ALG5: variants seen among roughly 807,000 people sequenced by gnomAD.
ALG5 encodes dolichyl-phosphate beta-glucosyltransferase.
Under a neutral mutation model 51.8 loss-of-function variants are expected in ALG5, and 26 were observed. That is an observed-to-expected ratio of 0.50 (90% confidence interval 0.37 to 0.70). The LOEUF is 0.70. Ranked by LOEUF, ALG5 falls within the 30% of genes least tolerant of loss-of-function variation. ALG5 has a pLI of 0.00. For synonymous variants in ALG5, 141 were observed against 136.1 expected (o/e 1.04, Z -0.25); for missense variants, 311 against 399.3 (o/e 0.78, Z 1.88).
At chr13:36,968,884 G>C (rs372958048) in intron 7 of ALG5, among the ~76,000 whole-genome samples, 17 of 152,290 alleles carry the variant, frequency 1.1e-4, no homozygotes, top group African/African-American at 3.8e-4. Flanking sequence ...GATTCTATAA[G>C]AATAAGCTGG....
At chr13:36,984,463 TC>T (rs2058993223) in intron 6 of ALG5, among the ~76,000 whole-genome samples, 1 of 152,196 alleles carries the variant, frequency 6.6e-6, no homozygotes, top group East Asian at 1.9e-4. Context: ...GTTGCTAAAT[TC>T]TTATTTTCAT....
At position 36,972,024 on chromosome 13, in the gene ALG5, T is replaced by C. The variant is rs145953194; in HGVS notation, c.574A>G (p.Ile192Val). 20 of 1,597,054 alleles carry C rather than the reference T, an allele frequency of 1.3e-5. No individual in the cohort carries two copies. Among genetic ancestry groups the C allele is most frequent in the South Asian group, 5.8e-5 (5 of 86,696 alleles). ...AAATGAGCTCGAGATCCACATGCTA[T>C]AGCCATTTGATTCTGAGGGAAAAAG... ...DLQPWPNQMA[I>V]ACGSRAHLEK... is the part of the protein sequence containing the mutation. Residue 192 changes from isoleucine (I) to valine (V), a missense_variant, in exon 7 of 10, where the codon ATA becomes GTA. By Grantham distance (29) the Ile-to-Val change is conservative. Coordinates refer to ENST00000239891, the MANE Select transcript of ALG5 (RefSeq NM_013338.5).
Position 36,989,533 on chromosome 13 carries a change from C to G in ALG5, c.398G>C (p.Arg133Pro). The G allele has an allele frequency of 6.2e-7, 1 of 1,612,882 alleles. No individual in the cohort carries two copies. Among genetic ancestry groups the G allele is most frequent in the Non-Finnish European group, 8.5e-7 (1 of 1,179,308 alleles). Residue 133 changes from arginine to proline, a missense_variant, in exon 5 of 10, where the codon CGT becomes CCT. Transcript: ENST00000239891. ...ACGATTCTTCACCAGGGTTATCACA[C>G]GTACTTTGTCACTTCCATATTTCTG... Reference protein sequence around the residue: ...YCQKYGSDKVRVITLVKNRGK... With the variant: ...YCQKYGSDKVPVITLVKNRGK...
chr13:36,988,032 C>G (rs968085759), intron 5 of ALG5, among the ~76,000 whole-genome samples: 9 of 152,126 alleles, frequency 5.9e-5, no homozygotes, highest in African/African-American at 2.2e-4. Context: ...CATTGCTGTG[C>G]CTTTGTTCAT....
chr13:36,975,667 C>G (rs2058946914), intron 6 of ALG5, among the ~76,000 whole-genome samples: 1 of 152,132 alleles, frequency 6.6e-6, no homozygotes, highest in Non-Finnish European at 1.5e-5. Context: ...TTTTAGATTT[C>G]CTTCTTTGGA....
At chr13:36,975,644 ACT>A (rs1283695998) in intron 6 of ALG5, among the ~76,000 whole-genome samples, 3 of 152,168 alleles carry the variant, frequency 2.0e-5, no homozygotes, top group Non-Finnish European at 4.4e-5. Context: ...TGAATATAAA[ACT>A]CTTATCTGTA....
At chr13:36,969,948 C>G (rs1056107993) in intron 7 of ALG5, among the ~76,000 whole-genome samples, 8 of 151,858 alleles carry the variant, frequency 5.3e-5, no homozygotes, top group African/African-American at 9.7e-5. Flanking sequence ...TTATCATCAG[C>G]TTTACTGGCT....
At chr13:36,952,990 C>T (rs907374773) in intron 8 of ALG5, 1 of 157,660 alleles carries the variant, frequency 6.3e-6, no homozygotes, top group Non-Finnish European at 1.4e-5. Context: ...AAACAAAACT[C>T]TGAGATGCTC....
Position 36,949,955 on chromosome 13 carries a change from C to T in ALG5, c.962G>A (p.Arg321Gln), listed in dbSNP as rs752193105. The T allele has an allele frequency of 2.7e-5, 43 of 1,609,874 alleles. No homozygotes were observed. Among genetic ancestry groups the T allele is most frequent in the East Asian group, 4.5e-5 (2 of 44,766 alleles). The stretch of plus-strand genomic sequence containing the variant: ...ACTGCAAACAACCTAATTCATTTTC[C>T]GAGTTTGCTCAAGCCTCCAGGCACC... ...LTGAWRLEQT[R>Q]KMN Residue 321 changes from arginine (R) to glutamine (Q), a missense_variant, in exon 10 of 10, where the codon CGG becomes CAG. Coordinates refer to ENST00000239891, the MANE Select transcript of ALG5 (RefSeq NM_013338.5).
Position 36,992,022 on chromosome 13 carries a change from G to A in ALG5, c.354+1582C>T, listed in dbSNP as rs544912200. Reference sequence around the variant, plus strand: ...TGGCCATTTTGTGATGAAGGAATGCGTGAGACTGAAAATGATATGGATCTA... The same window carrying A: ...TGGCCATTTTGTGATGAAGGAATGCATGAGACTGAAAATGATATGGATCTA... On this transcript the variant is annotated intron_variant, in intron 4 of 9. Transcript: ENST00000239891. Among the ~76,000 whole-genome samples, 43 of 152,290 alleles carry A rather than the reference G, an allele frequency of 2.8e-4. No individual in the cohort carries two copies. In the South Asian group the frequency reaches 7.7e-3, roughly 27 times the overall value.
At chr13:36,976,557 G>A (rs1384094393) in intron 6 of ALG5, among the ~76,000 whole-genome samples, 1 of 151,848 alleles carries the variant, frequency 6.6e-6, no homozygotes, top group African/African-American at 2.4e-5. Flanking sequence ...AGACTAGCCT[G>A]GCCAACATGG....
intron 6 of ALG5, among the ~76,000 whole-genome samples, chr13:36,979,014 C>T (rs923785059): frequency 6.6e-6 from 1 of 151,408 alleles, no homozygotes; most frequent in African/African-American, 2.4e-5. Flanking sequence ...ACCTGACATA[C>T]ATTTCCTTAT....
intron 6 of ALG5, among the ~76,000 whole-genome samples, chr13:36,975,945 G>A (rs1032901433): frequency 2.7e-5 from 4 of 150,816 alleles, no homozygotes; most frequent in Admixed American, 1.3e-4. Flanking sequence ...CTGCACTCCA[G>A]CCTGGGCAAC....
At chr13:36,977,807 A>C (rs1410947244) in intron 6 of ALG5, among the ~76,000 whole-genome samples, 2 of 148,034 alleles carry the variant, frequency 1.4e-5, no homozygotes, top group East Asian at 2.0e-4. Context: ...AAAAAAAAAA[A>C]AAAAAAACAA....
At chr13:36,983,683 A>C (rs569368492) in intron 6 of ALG5, among the ~76,000 whole-genome samples, 1 of 152,302 alleles carries the variant, frequency 6.6e-6, no homozygotes, top group Non-Finnish European at 1.5e-5. Context: ...AGCTAGTGCT[A>C]CTTGTCTGAA....
In ALG5 at chr13:36,985,645, A is replaced by G. The variant is rs753912309; in HGVS notation, c.543T>C (p.Asn181=). ...TACTCACAGGCCAAGGCTGTAGATC[A>G]TTTAGCCCCTTTTCTAATTTCTCAA... ...PDVEKLEKGL[N]DLQPWPNQMA... The change falls in exon 6 of 10, where the codon AAT becomes AAC. Residue 181 remains asparagine (N), a synonymous_variant. Coordinates refer to ENST00000239891, the MANE Select transcript of ALG5 (RefSeq NM_013338.5). The G allele has an allele frequency of 6.2e-7, 1 of 1,613,334 alleles. No individual in the cohort carries two copies. Among genetic ancestry groups the G allele is most frequent in the Non-Finnish European group, 8.5e-7 (1 of 1,179,626 alleles).
At chr13:36,970,628 G>C (rs1013002790) in intron 7 of ALG5, among the ~76,000 whole-genome samples, 2 of 144,828 alleles carry the variant, frequency 1.4e-5, no homozygotes, top group Non-Finnish European at 3.0e-5. Context: ...AACAAAAAAA[G>C]AAGGCCGGGC....
chr13:36,959,157 C>T (rs1348562032), intron 8 of ALG5, among the ~76,000 whole-genome samples: 2 of 152,036 alleles, frequency 1.3e-5, no homozygotes, highest in Non-Finnish European at 2.9e-5. Flanking sequence ...GAATCTAAAA[C>T]CATCAAACAC....
At chr13:36,955,606 G>C (rs1308208872) in intron 8 of ALG5, among the ~76,000 whole-genome samples, 1 of 139,576 alleles carries the variant, frequency 7.2e-6, no homozygotes, top group Non-Finnish European at 1.5e-5. Flanking sequence ...TAGAAAAGAA[G>C]AGAGAAGATA....
Sources: gnomAD v4.1 joint callset for allele counts (sites outside exome capture counted in the v4.1 genomes callset) on GRCh38, gnomAD v4.1.1 for gene constraint, MANE v1.5 for transcripts, NCBI Gene and HGNC (gene_info 2026-07-23, HGNC 2026-07-21) for gene names.